AGR2: variants seen among roughly 807,000 people sequenced by gnomAD.
AGR2 encodes anterior gradient protein 2 homolog.
AGR2 carries 27 observed loss-of-function variants against 25.9 expected under a neutral mutation model. The observed-to-expected ratio is 1.04, with a 90% CI of 0.77 to 1.44. The LOEUF is 1.44. AGR2 is among the 40% of genes most tolerant of loss of function. The pLI is 0.00. For synonymous variants in AGR2, 78 were observed against 72.0 expected, an observed-to-expected ratio of 1.08 and a Z score of -0.42; for missense variants, 182 against 200.9, an observed-to-expected ratio of 0.91 and a Z score of 0.57.
chr7:16,802,775 GATAA>G (rs1354592078), intron 1 of AGR2, among the ~76,000 whole-genome samples: 5 of 151,954 alleles, frequency 3.3e-5, no homozygotes, highest in African/African-American at 7.3e-5. Context: ...TATAGAAATA[GATAA>G]ATAGAGATAT....
At chr7:16,801,625 G>A in intron 2 of AGR2, 33 bp downstream of exon 2, 1 of 1,613,138 alleles carries the variant, frequency 6.2e-7, no homozygotes, top group Non-Finnish European at 8.5e-7. Flanking sequence ...CAATTAAGTA[G>A]CAGTTGGAAG....
chr7:16,793,310 A>C (rs914496094), intron 7 of AGR2, among the ~76,000 whole-genome samples: 8 of 152,214 alleles, frequency 5.3e-5, no homozygotes, highest in African/African-American at 1.9e-4. Context: ...CGGCCTCCCA[A>C]AGTGCTGGGA....
chr7:16,798,507 T>C (rs992316446), intron 5 of AGR2, among the ~76,000 whole-genome samples: 3 of 152,158 alleles, frequency 2.0e-5, no homozygotes, highest in African/African-American at 7.2e-5. Flanking sequence ...GCCATAGTGT[T>C]TTCCTTTGTT....
chr7:16,799,881 T>G lies in AGR2; in HGVS notation c.257-64A>C, dbSNP rs1390922356. 3.6e-6 allele frequency: 4 copies of G among 1,103,034 alleles called. No homozygotes were observed. The African/African-American group carries it at 6.3e-5, about 17-fold the overall frequency. The allele number at this position is 1,103,034 out of a possible 1,614,324, so 68.3% of individuals were successfully genotyped here. A position where few individuals can be genotyped will look rare whatever the true frequency, so the allele number is the denominator to read the frequency against. The stretch of plus-strand genomic sequence containing the variant: ...CATTGGTTAAAAGCTTTGTTCAATT[T>G]TCAGTTAAATTGCATTTTATTTACT... On this transcript the variant is annotated intron_variant, in intron 4 of 7. Transcript: ENST00000419304.
Position 16,792,881 on chromosome 7 carries a change from A to T in AGR2, c.*27T>A, listed in dbSNP as rs762361024. 3 of 1,604,960 alleles carry T rather than the reference A, an allele frequency of 1.9e-6. No homozygotes were observed. Among genetic ancestry groups the T allele is most frequent in the Non-Finnish European group, 1.7e-6 (2 of 1,171,798 alleles). On this transcript the variant is annotated 3_prime_UTR_variant, in exon 8 of 8. Transcript: ENST00000419304. ...GGTTTCAAGTCTCAAGGCCTGACAG[A>T]CAGAAGGGCTTGGAGATTTTTTTTC...
At chr7:16,797,054 TG>T (rs1785056859) in intron 6 of AGR2, among the ~76,000 whole-genome samples, 1 of 151,874 alleles carries the variant, frequency 6.6e-6, no homozygotes, top group Non-Finnish European at 1.5e-5. Context: ...CCCAGGTAGC[TG>T]GGATTACAGG....
At chr7:16,793,170 T>G (rs1784990397) in intron 7 of AGR2, among the ~76,000 whole-genome samples, 2 of 152,066 alleles carry the variant, frequency 1.3e-5, no homozygotes, top group African/African-American at 4.8e-5. Flanking sequence ...AGCCTTAGCC[T>G]CCTGAGTAGC....
intron 1 of AGR2, among the ~76,000 whole-genome samples, chr7:16,804,280 A>ACT (rs1261785113): frequency 3.3e-5 from 4 of 120,526 alleles, no homozygotes; most frequent in Non-Finnish European, 7.8e-5. Context: ...ACACACACAC[A>ACT]CACACACACA....
chr7:16,797,674 G>A lies in AGR2; in HGVS notation c.351C>T (p.His117=), dbSNP rs1330640178. 1.2e-6 allele frequency: 2 copies of A among 1,613,536 alleles called. No individual in the cohort carries two copies. The highest frequency in any genetic ancestry group is 8.5e-7 in the Non-Finnish European group (1 of 1,179,812). ...GGACATACTGGCCATCAGGAGAAAG[G>A]TGTTTGTCAGTTGTTTCATACTAAA... The part of the protein sequence containing the change: ...LNLVYETTDK[H]LSPDGQYVPR... The change falls in exon 6 of 8, where the codon CAC becomes CAT. Residue 117 remains histidine, a synonymous_variant. Transcript: ENST00000419304.
At chr7:16,803,645 A>T (rs948117798) in intron 1 of AGR2, among the ~76,000 whole-genome samples, 8 of 152,318 alleles carry the variant, frequency 5.3e-5, no homozygotes, top group South Asian at 2.1e-4. Context: ...AAAATCAGGG[A>T]TATACTTTGT....
At chr7:16,794,128 C>T (rs1029068759) in intron 7 of AGR2, among the ~76,000 whole-genome samples, 2 of 152,170 alleles carry the variant, frequency 1.3e-5, no homozygotes, top group East Asian at 1.9e-4. Context: ...CCCAACATGA[C>T]GTTCTAAGTC....
intron 4 of AGR2, 102 bp downstream of exon 4, chr7:16,801,049 T>G (rs2115359118): frequency 1.2e-6 from 1 of 814,682 alleles, no homozygotes; most frequent in East Asian, 2.6e-5. Flanking sequence ...TATTCTTTCT[T>G]TAATGCAACT....
At position 16,802,188 on chromosome 7, in the gene AGR2, A is replaced by C. The variant is rs138552223; in HGVS notation, c.-7-385T>G. 4.6e-5 allele frequency among the ~76,000 whole-genome samples: 7 copies of C among 152,266 alleles called. No homozygotes were observed. In the East Asian group the frequency reaches 1.3e-3, roughly 29 times the overall value. ...CCAAATTCACCTAACTTTTATTATA[A>C]GATACTGTTGTAATTGTTCTGTTTT... is the stretch of plus-strand genomic sequence containing the variant. On this transcript the variant is annotated intron_variant, in intron 1 of 7. Transcript: ENST00000419304.
chr7:16,797,065 G>C (rs917282696), intron 6 of AGR2, among the ~76,000 whole-genome samples: 2 of 150,554 alleles, frequency 1.3e-5, no homozygotes, highest in African/African-American at 4.9e-5. Flanking sequence ...GGGATTACAG[G>C]CTCCTGCAAC....
At chr7:16,795,340 A>G (rs1785027744) in intron 6 of AGR2, among the ~76,000 whole-genome samples, 1 of 151,684 alleles carries the variant, frequency 6.6e-6, no homozygotes, top group Admixed American at 6.6e-5. Context: ...TTTGGTGAAA[A>G]CATTAACATT....
At chr7:16,797,783 C>A in intron 5 of AGR2, 89 bp from the exon 6 acceptor site, 2 of 995,682 alleles carry the variant, frequency 2.0e-6, no homozygotes, top group South Asian at 1.5e-5. Context: ...CCATTTCCGG[C>A]CAGGCATCTC....
In AGR2 at chr7:16,801,373, G is replaced by C; in HGVS notation, c.150C>G (p.Asp50Glu). 1 of 1,613,376 alleles carries C rather than the reference G, an allele frequency of 6.2e-7. No individual in the cohort carries two copies. Among genetic ancestry groups the C allele is most frequent in the Non-Finnish European group, 8.5e-7 (1 of 1,179,616 alleles). Residue 50 changes from aspartate to glutamate, a missense_variant, in exon 3 of 8, where the codon GAC (aspartate) becomes GAG (glutamate). Transcript: ENST00000419304. ...CATATGTCTGAGTCCAGATGAGTTG[G>C]TCACCCCAACCTAGAATGAAATGAA... ...LPQTLSRGWG[D>E]QLIWTQTYEE...
intron 6 of AGR2, among the ~76,000 whole-genome samples, chr7:16,797,088 ATT>A (rs36079988): frequency 5.3e-5 from 8 of 150,518 alleles, no homozygotes; most frequent in African/African-American, 2.0e-4. Flanking sequence ...CGCCTGGCTA[ATT>A]TTTTTTTTGT....
chr7:16,797,513 C>A, intron 6 of AGR2, 118 bp downstream of exon 6: 1 of 756,190 alleles, frequency 1.3e-6, no homozygotes, highest in Non-Finnish European at 2.2e-6. Flanking sequence ...ATGCTCCTTG[C>A]TAGAGCTTAG....
Sources: allele counts gnomAD v4.1 joint callset (sites outside exome capture counted in the v4.1 genomes callset), GRCh38; gene constraint gnomAD v4.1.1; transcripts MANE v1.5; gene names NCBI Gene and HGNC (gene_info 2026-07-23, HGNC 2026-07-21).